Variants in NAALADL2 observed in about 807,000 individuals in gnomAD.
The protein encoded by NAALADL2 is N-acetylated alpha-linked acidic dipeptidase like 2, also known as inactive N-acetylated-alpha-linked acidic dipeptidase-like protein 2.
NAALADL2 carries 76 observed loss-of-function variants against 87.2 expected under a neutral mutation model. That is an observed-to-expected ratio of 0.87 (90% CI 0.72 to 1.05). The LOEUF is 1.05. NAALADL2 is among the 50% of genes least tolerant of loss of function. The probability of loss-of-function intolerance (pLI) is 0.00; values close to 1 mark genes in which losing one functional copy is unlikely to be tolerated. For synonymous variants in NAALADL2, 354 were observed against 331.0 expected, an observed-to-expected ratio of 1.07 and a Z score of -0.75; for missense variants, 1,089 against 945.8, an observed-to-expected ratio of 1.15 and a Z score of -1.99.
chr3:174,700,128 G>A (rs1461737140), intron 2 of NAALADL2, among the ~76,000 whole-genome samples: 2 of 150,716 alleles, frequency 1.3e-5, no homozygotes, highest in African/African-American at 4.9e-5. Flanking sequence ...AAATGTATTT[G>A]CTGCAAGATC....
chr3:175,528,453 T>C (rs10936851), intron 9 of NAALADL2, among the ~76,000 whole-genome samples: 104,088 of 151,664 alleles, frequency 0.69, 38,203 homozygotes, highest in East Asian at 0.88. Flanking sequence ...TAAGGGTGGG[T>C]TTGCCTTTCT....
In NAALADL2 at chr3:174,683,629, GGTGTGTGTGTGT is replaced by G. The variant is rs10522220; in HGVS notation, c.-114-53985_-114-53974del. Among the ~76,000 whole-genome samples, 500 of 147,024 alleles carry G rather than the reference GGTGTGTGTGTGT, an allele frequency of 3.4e-3. 2 individuals are homozygous for G. Among genetic ancestry groups the G allele is most frequent in the African/African-American group, 0.011 (457 of 40,250 alleles). On this transcript the variant is annotated intron_variant, in intron 2 of 3. Transcript: ENST00000434257. ...AGAGTAAGAAATTAACAGAACTTCT[GGTGTGTGTGTGT>G]GTGTGTGTGTGTGTGTGTGTGTGTG...
Position 175,686,704 on chromosome 3 carries a change from A to G in NAALADL2, c.1897-50602A>G, listed in dbSNP as rs186575099. On this transcript the variant is annotated intron_variant, in intron 11 of 13. Transcript: ENST00000454872. The stretch of plus-strand genomic sequence containing the variant: ...TTTTCTTCGTGAAGATTTATATAAC[A>G]AATGGTTTCAAACAGCTTCCTTGGT... 2.8e-3 allele frequency among the ~76,000 whole-genome samples: 433 copies of G among 152,298 alleles called. 5 individuals are homozygous for G. The highest frequency in any genetic ancestry group is 0.01 in the African/African-American group (427 of 41,586).
chr3:174,880,355 A>G (rs371473896), intron 1 of NAALADL2, among the ~76,000 whole-genome samples: 12 of 152,304 alleles, frequency 7.9e-5, no homozygotes, highest in African/African-American at 2.9e-4. Flanking sequence ...AAACTCAAGT[A>G]AAAACAAGCA....
At chr3:175,024,460 T>C (rs975605833) in intron 1 of NAALADL2, among the ~76,000 whole-genome samples, 2 of 152,100 alleles carry the variant, frequency 1.3e-5, no homozygotes, top group South Asian at 2.1e-4. Context: ...AAATAGGAGA[T>C]ACCTGCTAGG....
intron 1 of NAALADL2, among the ~76,000 whole-genome samples, chr3:174,938,488 G>A (rs952787652): frequency 5.9e-5 from 9 of 151,944 alleles, no homozygotes; most frequent in African/African-American, 1.9e-4. Flanking sequence ...ATGAACATTC[G>A]TGTGCCTGTG....
chr3:175,521,158 T>G (rs559058920), intron 9 of NAALADL2, among the ~76,000 whole-genome samples: 1 of 151,838 alleles, frequency 6.6e-6, no homozygotes, highest in Non-Finnish European at 1.5e-5. Context: ...ATGAAATATC[T>G]ACAGAGACTT....
chr3:174,951,997 C>G (rs537750527), intron 1 of NAALADL2, among the ~76,000 whole-genome samples: 24 of 152,206 alleles, frequency 1.6e-4, no homozygotes, highest in African/African-American at 5.8e-4. Flanking sequence ...TGCTTTTTCT[C>G]TTATCTCTGT....
Position 175,452,160 on chromosome 3 carries a change from A to G in NAALADL2, c.1234+4788A>G, listed in dbSNP as rs187372744. ...TGAAACTAATCAATGTGTTCAGAGC[A>G]GCTTCAGAATTGCTCCATGTGAGAA... On this transcript the variant is annotated intron_variant, in intron 6 of 13. Coordinates refer to ENST00000454872, the MANE Select transcript of NAALADL2 (RefSeq NM_207015.3). 5.7e-3 allele frequency among the ~76,000 whole-genome samples: 875 copies of G among 152,296 alleles called. 9 individuals carry two copies. The highest frequency in any genetic ancestry group is 0.034 in the Middle Eastern group (10 of 294).
At chr3:174,734,282 G>T (rs1197859061) in intron 2 of NAALADL2, among the ~76,000 whole-genome samples, 3 of 152,146 alleles carry the variant, frequency 2.0e-5, no homozygotes, top group East Asian at 1.9e-4. Context: ...TTATGTGTGT[G>T]TATAGGCAGG....
At chr3:175,231,593 T>A (rs935623440) in intron 2 of NAALADL2, among the ~76,000 whole-genome samples, 1 of 152,112 alleles carries the variant, frequency 6.6e-6, no homozygotes, top group Admixed American at 6.6e-5. Flanking sequence ...ATGTTTTCAG[T>A]TGCTTGCACC....
At chr3:174,541,828 A>C (rs540374961) in intron 1 of NAALADL2, among the ~76,000 whole-genome samples, 32 of 152,320 alleles carry the variant, frequency 2.1e-4, no homozygotes, top group African/African-American at 7.7e-4. Context: ...GAGCACCAAA[A>C]TTGGGGCTTA....
chr3:174,882,663 A>G (rs1472970879), intron 1 of NAALADL2, among the ~76,000 whole-genome samples: 1 of 137,138 alleles, frequency 7.3e-6, no homozygotes, highest in Admixed American at 6.9e-5. Context: ...ACATATGTGC[A>G]TATACACATA....
chr3:175,142,784 T>G (rs1730191958), intron 2 of NAALADL2, among the ~76,000 whole-genome samples: 1 of 151,966 alleles, frequency 6.6e-6, no homozygotes, highest in African/African-American at 2.4e-5. Flanking sequence ...TATTTGATTC[T>G]TACATGATTT....
At chr3:175,039,841 A>G (rs1436427610) in intron 1 of NAALADL2, among the ~76,000 whole-genome samples, 7 of 152,132 alleles carry the variant, frequency 4.6e-5, no homozygotes, top group Non-Finnish European at 8.8e-5. Flanking sequence ...ATACTTATGT[A>G]GCTTCTTGTT....
intron 2 of NAALADL2, among the ~76,000 whole-genome samples, chr3:174,600,688 G>A (rs868534141): frequency 6.6e-5 from 10 of 152,222 alleles, no homozygotes; most frequent in African/African-American, 2.4e-4. Context: ...CTATGGCTGG[G>A]GAGTCCTCAA....
chr3:175,075,274 T>C (rs996757260), intron 1 of NAALADL2, among the ~76,000 whole-genome samples: 1 of 152,144 alleles, frequency 6.6e-6, no homozygotes, highest in African/African-American at 2.4e-5. Context: ...AAACAGAAAC[T>C]TAGAATTTTT....
intron 5 of NAALADL2, among the ~76,000 whole-genome samples, chr3:175,352,244 T>G (rs1426082969): frequency 6.6e-6 from 1 of 151,904 alleles, no homozygotes. Flanking sequence ...AAACTTTCAT[T>G]GGCAAAGGAG....
intron 5 of NAALADL2, among the ~76,000 whole-genome samples, chr3:175,433,188 G>C (rs1453066121): frequency 6.6e-6 from 1 of 151,954 alleles, no homozygotes; most frequent in Non-Finnish European, 1.5e-5. Context: ...TCTTGCTCTG[G>C]AATAACTTCT....
Sources: allele counts gnomAD v4.1 joint callset (sites outside exome capture counted in the v4.1 genomes callset), GRCh38; gene constraint gnomAD v4.1.1; transcripts MANE v1.5; gene names NCBI Gene and HGNC (gene_info 2026-07-23, HGNC 2026-07-21).